C14orf119: variants seen among roughly 807,000 people sequenced by gnomAD.
C14orf119 encodes the protein chromosome 14 open reading frame 119.
C14orf119 carries 17 observed loss-of-function variants against 13.5 expected under a neutral mutation model. That is an observed-to-expected ratio of 1.26 (90% CI 0.86 to 1.88). The LOEUF is 1.88. C14orf119 is among the 40% of genes most tolerant of loss of function. The pLI, the probability that C14orf119 is intolerant of heterozygous loss-of-function variation, is 0.00. For missense variants in C14orf119, 162 were observed against 165.9 expected (o/e 0.98, Z 0.13); for synonymous variants, 61 against 61.9 (o/e 0.99, Z 0.07).
rs969444255 is a variant in C14orf119 at position 23,098,007 on chromosome 14, C to T, written c.349C>T (p.Gln117Ter). 1.9e-6 allele frequency: 3 copies of T among 1,614,182 alleles called. No individual in the cohort carries two copies. The highest frequency in any genetic ancestry group is 2.5e-6 in the Non-Finnish European group (3 of 1,180,040). ...GCAGGAGCGCAATGAATTTGTCAGA[C>T]AGCTGGAGTTCAGTGAGCCAGACTT... is the stretch of plus-strand genomic sequence containing the variant. ...AEQERNEFVR[Q>*]LEFSEPDFVA... Residue 117 changes from glutamine (Q) to a stop codon, truncating the protein, a stop_gained, in exon 2 of 2, where the codon CAG (glutamine) becomes TAG (stop). Transcript: ENST00000319074. LOFTEE classifies it high-confidence loss of function.
rs1472210004 is a variant in C14orf119 at position 23,099,527 on chromosome 14, G to A, written c.*1446G>A. On this transcript the variant is annotated 3_prime_UTR_variant, in exon 2 of 2. Transcript: ENST00000319074. The stretch of plus-strand genomic sequence containing the variant: ...AAGGTAATATTTGGCATGGAATAAT[G>A]CCTAGCCTTAGTAGATAAAGCGGCA... 1 of 409,292 alleles carries A rather than the reference G, an allele frequency of 2.4e-6. No homozygotes were observed. Among genetic ancestry groups the A allele is most frequent in the East Asian group, 3.6e-5 (1 of 27,832 alleles). The allele number at this position is 409,292 out of a possible 1,614,324, so 25.4% of individuals were successfully genotyped here.
rs1175580134 is a variant in C14orf119, at chr14:23,100,423, G to A, written c.*2342G>A. 4.8e-6 allele frequency: 2 copies of A among 412,538 alleles called. No homozygotes were observed. Among genetic ancestry groups the A allele is most frequent in the Non-Finnish European group, 8.8e-6 (2 of 226,054 alleles). 25.6% of individuals were successfully genotyped at this position (412,538 alleles called of 1,614,324 possible). A position where few individuals can be genotyped will look rare whatever the true frequency, so the allele number is the denominator to read the frequency against. ...CAACCCTGTCTAGGACAATATACACGTGAGTGAGTGCTTAATAAATTTAAT... is the reference window on the plus strand; with the variant it reads ...CAACCCTGTCTAGGACAATATACACATGAGTGAGTGCTTAATAAATTTAAT... On this transcript the variant is annotated 3_prime_UTR_variant, in exon 2 of 2. Transcript: ENST00000319074.
rs770763923 is a variant in C14orf119 at position 23,097,856 on chromosome 14, G to C, written c.198G>C (p.Val66=). ...RFLEDLVAKA[V]PEKLQPLLDS... The stretch of plus-strand genomic sequence containing the variant: ...TAGAGGACCTGGTAGCTAAGGCAGT[G>C]CCAGAAAAATTACAACCACTGCTGG... Residue 66 remains valine, a synonymous_variant, in exon 2 of 2, where the codon GTG becomes GTC. Transcript: ENST00000319074. 1 of 1,614,228 alleles carries C rather than the reference G, an allele frequency of 6.2e-7. No homozygotes were observed. The highest frequency in any genetic ancestry group is 8.5e-7 in the Non-Finnish European group (1 of 1,180,030).
chr14:23,098,210 C>G lies in C14orf119; in HGVS notation c.*129C>G. ...CCAACCAGCTGACCGAACTCACTGA[C>G]CAGTACAGGCATGGTTATTTCAACA... is the stretch of plus-strand genomic sequence containing the variant. On this transcript the variant is annotated 3_prime_UTR_variant, in exon 2 of 2. Transcript: ENST00000319074. 2 of 899,306 alleles carry G rather than the reference C, an allele frequency of 2.2e-6. No homozygotes were observed. Among genetic ancestry groups the G allele is most frequent in the Non-Finnish European group, 1.7e-6 (1 of 581,278 alleles). The allele number at this position is 899,306 out of a possible 1,614,324, so 55.7% of individuals were successfully genotyped here.
rs1056837919 is a variant in C14orf119 at position 23,099,555 on chromosome 14, A to C, written c.*1474A>C. 1 of 352,114 alleles carries C rather than the reference A, an allele frequency of 2.8e-6. No individual in the cohort carries two copies. The highest frequency in any genetic ancestry group is 2.4e-5 in the African/African-American group (1 of 41,312). 21.8% of individuals were successfully genotyped at this position (352,114 alleles called of 1,614,324 possible). A position where few individuals can be genotyped will look rare whatever the true frequency, so the allele number is the denominator to read the frequency against. ...TAGCCTTAGTAGATAAAGCGGCATTACCTTTTTTTTTTTTTTTTTTTGGAG... is the reference window on the plus strand; with the variant it reads ...TAGCCTTAGTAGATAAAGCGGCATTCCCTTTTTTTTTTTTTTTTTTTGGAG... On this transcript the variant is annotated 3_prime_UTR_variant, in exon 2 of 2. Coordinates refer to ENST00000319074, the MANE Select transcript of C14orf119 (RefSeq NM_017924.4).
chr14:23,096,270 A>C (rs552977363), intron 1 of C14orf119, among the ~76,000 whole-genome samples: 1 of 151,976 alleles, frequency 6.6e-6, no homozygotes, highest in East Asian at 1.9e-4. Flanking sequence ...TAATCCCAGC[A>C]CTTTGGGAGG....
At chr14:23,096,626 G>C (rs1478439370) in intron 1 of C14orf119, among the ~76,000 whole-genome samples, 1 of 151,366 alleles carries the variant, frequency 6.6e-6, no homozygotes, top group Non-Finnish European at 1.5e-5. Flanking sequence ...ACGCAGGCTG[G>C]AGTGCAGTGG....
chr14:23,096,508 CAAAAAA>C (rs61586635), intron 1 of C14orf119, among the ~76,000 whole-genome samples: 2 of 62,676 alleles, frequency 3.2e-5, no homozygotes, highest in African/African-American at 8.0e-5. Flanking sequence ...GACTCCGTCT[CAAAAAA>C]AAAAAAAAAA....
rs982471225 is a variant in C14orf119 at position 23,095,581 on chromosome 14, C to T, written c.-40C>T. ...CCGCAGTAGTTGGAGTCTAAGGACT[C>T]GTGACAATCTTCGGGTGCCCTTCGA... On this transcript the variant is annotated 5_prime_UTR_variant, in exon 1 of 2. Transcript: ENST00000319074. 7.5e-6 allele frequency: 3 copies of T among 399,954 alleles called. No homozygotes were observed. Among genetic ancestry groups the T allele is most frequent in the Admixed American group, 8.5e-5 (2 of 23,518 alleles). 24.8% of individuals were successfully genotyped at this position (399,954 alleles called of 1,614,324 possible).
At position 23,097,668 on chromosome 14, in the gene C14orf119, G is replaced by A; in HGVS notation, c.10G>A (p.Glu4Lys). 6.2e-7 allele frequency: 1 copy of A among 1,613,410 alleles called. No homozygotes were observed. The highest frequency in any genetic ancestry group is 8.5e-7 in the Non-Finnish European group (1 of 1,179,392). MPL[E>K]SSSSMPLSFP... Reference sequence around the variant, plus strand: ...GCTTTTATGTTTCAGGATGCCACTGGAGTCATCCTCTTCAATGCCACTATC... The same window carrying A: ...GCTTTTATGTTTCAGGATGCCACTGAAGTCATCCTCTTCAATGCCACTATC... The change falls in exon 2 of 2, where the codon GAG (glutamate) becomes AAG (lysine). Residue 4 changes from glutamate to lysine, a missense_variant. Glu to Lys is a moderately conservative substitution (Grantham distance 56). Coordinates refer to ENST00000319074, the MANE Select transcript of C14orf119 (RefSeq NM_017924.4).
In C14orf119 at chr14:23,095,528, T is replaced by A. The variant is rs571099345; in HGVS notation, c.-93T>A. 32 of 529,832 alleles carry A rather than the reference T, an allele frequency of 6.0e-5. No individual in the cohort carries two copies. The highest frequency in any genetic ancestry group is 5.5e-4 in the African/African-American group (29 of 52,444). 32.8% of individuals were successfully genotyped at this position (529,832 alleles called of 1,614,324 possible). ...GCGTGGGCTGCCGGGCTGGCCCAGC[T>A]TAGGGTTTTCAGGAAATTTGGAAGC... On this transcript the variant is annotated 5_prime_UTR_variant, in exon 1 of 2. Coordinates refer to ENST00000319074, the MANE Select transcript of C14orf119 (RefSeq NM_017924.4).
At chr14:23,096,653 T>A (rs1331913193) in intron 1 of C14orf119, among the ~76,000 whole-genome samples, 3 of 151,414 alleles carry the variant, frequency 2.0e-5, no homozygotes, top group Non-Finnish European at 4.4e-5. Flanking sequence ...CAGGGCTCAC[T>A]GCAGCCTCAA....
At chr14:23,096,561 T>TAA (rs10583299) in intron 1 of C14orf119, among the ~76,000 whole-genome samples, 1 of 119,438 alleles carries the variant, frequency 8.4e-6, no homozygotes, top group Non-Finnish European at 1.8e-5. Flanking sequence ...GATACCATAC[T>TAA]AAAAAAAAAA....
At chr14:23,097,623 C>T (rs772978751) in intron 1 of C14orf119, 35 bp from the exon 2 acceptor site, 47 of 1,583,876 alleles carry the variant, frequency 3.0e-5, no homozygotes, top group Non-Finnish European at 3.6e-5. Flanking sequence ...CGTTGCTCTA[C>T]CTGGAGAGCA....
Position 23,098,092 on chromosome 14 carries a change from G to C in C14orf119, c.*11G>C. ...GCTGGTAAGGACTGATAGGCATTCA[G>C]ACCAAAGAAGATAACCATAGCTGAT... On this transcript the variant is annotated 3_prime_UTR_variant, in exon 2 of 2. Transcript: ENST00000319074. 1.2e-6 allele frequency: 2 copies of C among 1,607,760 alleles called. No homozygotes were observed. The highest frequency in any genetic ancestry group is 1.7e-5 in the Admixed American group (1 of 59,782).
Position 23,098,659 on chromosome 14 carries a change from C to CTT in C14orf119, c.*591_*592dup, listed in dbSNP as rs201509412. On this transcript the variant is annotated 3_prime_UTR_variant, in exon 2 of 2. Transcript: ENST00000319074. ...ACTGTTTGAATCGAACTCGCGGTGA[C>CTT]TTTTTTTTTTTTTTAAAAACATGGG... is the stretch of plus-strand genomic sequence containing the variant. 6.4e-5 allele frequency: 10 copies of CTT among 156,904 alleles called. No individual in the cohort carries two copies. The highest frequency in any genetic ancestry group is 4.4e-4 in the South Asian group (2 of 4,534). The allele number at this position is 156,904 out of a possible 1,614,324, so 9.7% of individuals were successfully genotyped here. A position where few individuals can be genotyped will look rare whatever the true frequency, so the allele number is the denominator to read the frequency against.
Position 23,098,061 on chromosome 14 carries a change from G to A in C14orf119, c.403G>A (p.Ala135Thr). 6.2e-7 allele frequency: 1 copy of A among 1,613,898 alleles called. No homozygotes were observed. The highest frequency in any genetic ancestry group is 8.5e-7 in the Non-Finnish European group (1 of 1,179,992). The change falls in exon 2 of 2, where the codon GCT becomes ACT. Residue 135 changes from alanine to threonine, a missense_variant. Coordinates refer to ENST00000319074, the MANE Select transcript of C14orf119 (RefSeq NM_017924.4). The stretch of plus-strand genomic sequence containing the variant: ...GGCAAAGTTTTACCAAGCAGTGGCT[G>A]CTACAGCTGGTAAGGACTGATAGGC... Reference protein sequence around the residue: ...FVAKFYQAVAATAGKD With the variant: ...FVAKFYQAVATTAGKD
At position 23,097,723 on chromosome 14, in the gene C14orf119, A is replaced by G; in HGVS notation, c.65A>G (p.His22Arg). 1.2e-6 allele frequency: 2 copies of G among 1,614,088 alleles called. No homozygotes were observed. Among genetic ancestry groups the G allele is most frequent in the East Asian group, 2.2e-5 (1 of 44,886 alleles). ...SFPSLLPSVPHNTNPSPPLMS... is the reference protein window; with the variant it reads ...SFPSLLPSVPRNTNPSPPLMS... The stretch of plus-strand genomic sequence containing the variant: ...CCATCTCTCTTACCCTCAGTACCAC[A>G]CAATACTAACCCTTCCCCTCCTCTG... Residue 22 changes from histidine to arginine, a missense_variant, in exon 2 of 2, where the codon CAC becomes CGC. His to Arg is a conservative substitution (Grantham distance 29). Coordinates refer to ENST00000319074, the MANE Select transcript of C14orf119 (RefSeq NM_017924.4).
intron 1 of C14orf119, among the ~76,000 whole-genome samples, chr14:23,096,534 A>AG (rs2048376721): frequency 6.9e-6 from 1 of 145,476 alleles, no homozygotes; most frequent in African/African-American, 2.5e-5. Context: ...AAAAAAAAAA[A>AG]TTGCAAGGCA....
Sources: gnomAD v4.1 joint callset for allele counts (sites outside exome capture counted in the v4.1 genomes callset) on GRCh38, gnomAD v4.1.1 for gene constraint, MANE v1.5 for transcripts, NCBI Gene and HGNC (gene_info 2026-07-23, HGNC 2026-07-21) for gene names.